Variants in DENND5B observed in about 807,000 individuals in gnomAD.
DENND5B encodes DENN domain containing 5B, also known as DENN domain-containing protein 5B.
DENND5B carries 34 observed loss-of-function variants against 140.6 expected under a neutral mutation model. The observed-to-expected ratio is 0.24, with a 90% CI of 0.18 to 0.32. The LOEUF (loss-of-function observed/expected upper bound fraction) is 0.32. Ranked by LOEUF, DENND5B falls within the 10% of genes least tolerant of loss-of-function variation. The pLI, the probability that DENND5B is intolerant of heterozygous loss-of-function variation, is 1.00. For synonymous variants in DENND5B, 551 were observed against 562.1 expected, an observed-to-expected ratio of 0.98 and a Z score of 0.28; for missense variants, 1,142 against 1,560.2, an observed-to-expected ratio of 0.73 and a Z score of 4.52.
intron 1 of DENND5B, among the ~76,000 whole-genome samples, chr12:31,528,106 G>A (rs994887621): frequency 3.3e-5 from 5 of 152,192 alleles, no homozygotes; most frequent in Non-Finnish European, 5.9e-5. Flanking sequence ...GACCTCAAAC[G>A]ATATGGCTTG....
chr12:31,573,967 T>TA (rs544048362), intron 1 of DENND5B, among the ~76,000 whole-genome samples: 1,344 of 131,348 alleles, frequency 0.01, 16 homozygotes, highest in African/African-American at 0.025. Context: ...CTTTATCTCT[T>TA]AAAAAAAAAA....
intron 7 of DENND5B, among the ~76,000 whole-genome samples, chr12:31,442,515 T>C (rs1363931156): frequency 6.6e-6 from 1 of 152,140 alleles, no homozygotes; most frequent in Admixed American, 6.6e-5. Flanking sequence ...CCATTTAAAG[T>C]GTGGCTTTTC....
At position 31,426,437 on chromosome 12, in the gene DENND5B, G is replaced by T. The variant is rs367964546; in HGVS notation, c.2107-13C>A. ...CTTGCATATATTTCTAAAAAATCAA[G>T]GAGTATTTTTAATGCGTAAACATTA... On this transcript the variant is annotated splice_polypyrimidine_tract_variant and intron_variant, in intron 8 of 20. Coordinates refer to ENST00000389082, the MANE Select transcript of DENND5B (RefSeq NM_144973.4). 4,321 of 1,605,012 alleles carry T rather than the reference G, an allele frequency of 2.7e-3. 3 individuals carry two copies. The highest frequency in any genetic ancestry group is 3.5e-3 in the Non-Finnish European group (4,088 of 1,175,880).
At chr12:31,586,754 TA>T (rs1299865123) in intron 1 of DENND5B, among the ~76,000 whole-genome samples, 2 of 152,180 alleles carry the variant, frequency 1.3e-5, no homozygotes, top group East Asian at 3.8e-4. Flanking sequence ...AAGCAACTGG[TA>T]GAATTTATGT....
chr12:31,395,661 G>C (rs1941404899), intron 17 of DENND5B, among the ~76,000 whole-genome samples: 1 of 152,110 alleles, frequency 6.6e-6, no homozygotes, highest in African/African-American at 2.4e-5. Flanking sequence ...TCATGTGCTA[G>C]CAAATGGATA....
chr12:31,426,578 G>C, intron 8 of DENND5B, 154 bp from the exon 9 acceptor site: 1 of 835,478 alleles, frequency 1.2e-6, no homozygotes, highest in Non-Finnish European at 1.8e-6. Flanking sequence ...TGTACTAAAA[G>C]ACAGAGGACA....
chr12:31,543,393 A>C (rs1442550110), intron 1 of DENND5B, among the ~76,000 whole-genome samples: 2 of 152,206 alleles, frequency 1.3e-5, no homozygotes, highest in Non-Finnish European at 2.9e-5. Flanking sequence ...CTTTTTATAA[A>C]AGTAATTTAT....
chr12:31,590,083 G>T, intron 1 of DENND5B: 1 of 152,504 alleles, frequency 6.6e-6, no homozygotes, highest in Non-Finnish European at 1.5e-5. Flanking sequence ...GTCCCTGCCA[G>T]CTCCCAGACG....
intron 15 of DENND5B, among the ~76,000 whole-genome samples, chr12:31,401,965 G>A (rs1276361735): frequency 6.6e-6 from 1 of 151,562 alleles, no homozygotes; most frequent in Non-Finnish European, 1.5e-5. Flanking sequence ...ATGTCACCAT[G>A]TGGTCTAAAA....
chr12:31,428,280 T>C (rs889669395), intron 8 of DENND5B, among the ~76,000 whole-genome samples: 1 of 150,210 alleles, frequency 6.7e-6, no homozygotes. Context: ...AGGCGGACGT[T>C]GCAATGAGCC....
At chr12:31,397,131 A>G (rs1174706721) in intron 17 of DENND5B, among the ~76,000 whole-genome samples, 1 of 152,204 alleles carries the variant, frequency 6.6e-6, no homozygotes, top group Non-Finnish European at 1.5e-5. Flanking sequence ...TATATTACTA[A>G]AAATGACACA....
chr12:31,578,313 A>G (rs553344536), intron 1 of DENND5B, among the ~76,000 whole-genome samples: 10 of 152,286 alleles, frequency 6.6e-5, no homozygotes, highest in East Asian at 3.9e-4. Flanking sequence ...CAGATCAGCA[A>G]AAGTGTTGAG....
chr12:31,565,101 G>A (rs959205301), intron 1 of DENND5B, among the ~76,000 whole-genome samples: 1 of 152,112 alleles, frequency 6.6e-6, no homozygotes, highest in East Asian at 1.9e-4. Context: ...TTGCCAATTC[G>A]ACTACTGCAT....
At chr12:31,507,467 A>T (rs1947245907) in intron 1 of DENND5B, among the ~76,000 whole-genome samples, 1 of 152,200 alleles carries the variant, frequency 6.6e-6, no homozygotes, top group Non-Finnish European at 1.5e-5. Context: ...GGTGCTGTGC[A>T]GCTTACCACC....
intron 13 of DENND5B, among the ~76,000 whole-genome samples, chr12:31,410,909 T>C (rs1942417163): frequency 6.6e-6 from 1 of 152,198 alleles, no homozygotes; most frequent in Non-Finnish European, 1.5e-5. Flanking sequence ...ATATAGTGTA[T>C]CTTAATAAGA....
At position 31,387,063 on chromosome 12, in the gene DENND5B, T is replaced by A. The variant is rs1486534093; in HGVS notation, c.*540A>T. 1.3e-5 allele frequency: 2 copies of A among 152,184 alleles called. No individual in the cohort carries two copies. The highest frequency in any genetic ancestry group is 2.1e-4 in the South Asian group (1 of 4,826). 9.4% of individuals were successfully genotyped at this position (152,184 alleles called of 1,614,324 possible). A position where few individuals can be genotyped will look rare whatever the true frequency, so the allele number is the denominator to read the frequency against. ...AGCGATTCAAATATATAAAACAGTT[T>A]GTAACTTAAAAGATAGAAGTGAAGA... On this transcript the variant is annotated 3_prime_UTR_variant, in exon 21 of 21. Transcript: ENST00000389082.
chr12:31,451,722 T>A (rs1944533275), intron 5 of DENND5B: 2 of 548,494 alleles, frequency 3.6e-6, no homozygotes, highest in East Asian at 6.4e-5. Context: ...AATGAGCTGG[T>A]TTATTTGCTT....
At chr12:31,508,832 G>C (rs998667006) in intron 1 of DENND5B, among the ~76,000 whole-genome samples, 32 of 152,106 alleles carry the variant, frequency 2.1e-4, no homozygotes, top group African/African-American at 7.5e-4. Context: ...ATATCAGGAG[G>C]AGAACAATGA....
At chr12:31,479,518 C>A in intron 3 of DENND5B, 71 bp downstream of exon 3, 4 of 1,334,020 alleles carry the variant, frequency 3.0e-6, no homozygotes, top group South Asian at 1.8e-5. Context: ...AATAATATAC[C>A]CCATGGAAAC....
Sources: allele counts gnomAD v4.1 joint callset (sites outside exome capture counted in the v4.1 genomes callset), GRCh38; gene constraint gnomAD v4.1.1; transcripts MANE v1.5; gene names NCBI Gene and HGNC (gene_info 2026-07-23, HGNC 2026-07-21).